The following CHST11 variants were observed in gnomAD, a reference collection of about 807,000 sequenced individuals.
CHST11 encodes C4S-1.
A neutral mutation model predicts 30.4 loss-of-function variants in CHST11; 9 were observed. That is an observed-to-expected ratio of 0.30 (90% CI 0.18 to 0.52). The LOEUF (loss-of-function observed/expected upper bound fraction) is 0.52. CHST11 is among the 20% of genes least tolerant of loss of function. CHST11 has a pLI of 0.97. For missense variants in CHST11, 348 were observed against 460.6 expected (o/e 0.76, Z 2.24); for synonymous variants, 152 against 187.8 (o/e 0.81, Z 1.56).
At chr12:104,719,502 G>A (rs1260896258) in intron 2 of CHST11, among the ~76,000 whole-genome samples, 9 of 152,204 alleles carry the variant, frequency 5.9e-5, no homozygotes, top group African/African-American at 1.4e-4. Flanking sequence ...GCTGCAGTCC[G>A]ACAGAAACAT....
intron 1 of CHST11, among the ~76,000 whole-genome samples, chr12:104,500,497 G>T (rs61939972): frequency 1.0e-3 from 155 of 152,298 alleles, no homozygotes; most frequent in Non-Finnish European, 1.8e-3. Context: ...TCTACCCTTT[G>T]ATGTTTTACC....
intron 2 of CHST11, among the ~76,000 whole-genome samples, chr12:104,725,380 T>A (rs2040208995): frequency 6.6e-6 from 1 of 152,142 alleles, no homozygotes; most frequent in Non-Finnish European, 1.5e-5. Context: ...CCCAGCCTGG[T>A]CGTATGGGTT....
chr12:104,584,595 T>A (rs1650142), intron 1 of CHST11, among the ~76,000 whole-genome samples: 81,804 of 152,024 alleles, frequency 0.54, 22,761 homozygotes, highest in East Asian at 0.85. Context: ...TATGTGTATG[T>A]GTGTTTACAC....
At chr12:104,737,732 A>G (rs1262440228) in intron 2 of CHST11, among the ~76,000 whole-genome samples, 4 of 152,234 alleles carry the variant, frequency 2.6e-5, no homozygotes, top group Non-Finnish European at 5.9e-5. Context: ...TTCAAAAGAA[A>G]AGAACATTTC....
intron 1 of CHST11, among the ~76,000 whole-genome samples, chr12:104,457,898 G>C (rs1226123095): frequency 6.6e-6 from 1 of 151,886 alleles, no homozygotes; most frequent in African/African-American, 2.4e-5. Context: ...TGAGGGGCTG[G>C]TTTGAGGAGA....
chr12:104,485,664 TC>T (rs2037670121), intron 1 of CHST11, among the ~76,000 whole-genome samples: 1 of 152,244 alleles, frequency 6.6e-6, no homozygotes, highest in African/African-American at 2.4e-5. Flanking sequence ...TTCTCTATGT[TC>T]CCTGACATTG....
At chr12:104,575,171 T>TTG (rs1246450902) in intron 1 of CHST11, among the ~76,000 whole-genome samples, 2 of 151,638 alleles carry the variant, frequency 1.3e-5, no homozygotes, top group East Asian at 3.9e-4. Flanking sequence ...CCAGCCTGAG[T>TTG]TACAGAGTGA....
Position 104,673,191 on chromosome 12 carries a change from G to C in CHST11, c.204+71200G>C, listed in dbSNP as rs75793505. On this transcript the variant is annotated intron_variant, in intron 2 of 2. Transcript: ENST00000303694. The stretch of plus-strand genomic sequence containing the variant: ...ATTTAGGGCCTACCCACACACTCCA[G>C]GATAATCTCAAGATCCTTAGCTTAA... Among the ~76,000 whole-genome samples, 1,098 of 152,176 alleles carry C rather than the reference G, an allele frequency of 7.2e-3. 11 individuals carry two copies. The highest frequency in any genetic ancestry group is 0.014 in the Middle Eastern group (4 of 294).
intron 2 of CHST11, among the ~76,000 whole-genome samples, chr12:104,661,106 C>A (rs1384136640): frequency 6.6e-6 from 1 of 152,220 alleles, no homozygotes; most frequent in Non-Finnish European, 1.5e-5. Flanking sequence ...CCTGACATAG[C>A]TTCGCCTGAG....
At chr12:104,679,371 G>A (rs1034634608) in intron 2 of CHST11, among the ~76,000 whole-genome samples, 6 of 152,090 alleles carry the variant, frequency 3.9e-5, no homozygotes, top group African/African-American at 9.7e-5. Context: ...CTGTAAACCC[G>A]TTGGGAGGGT....
intron 1 of CHST11, among the ~76,000 whole-genome samples, chr12:104,548,955 C>A (rs891180778): frequency 1.3e-5 from 2 of 152,238 alleles, no homozygotes; most frequent in Admixed American, 6.5e-5. Context: ...TCACTGCCTT[C>A]TTTCATTTCT....
chr12:104,708,039 C>T (rs867547899), intron 2 of CHST11, among the ~76,000 whole-genome samples: 1 of 152,344 alleles, frequency 6.6e-6, no homozygotes, highest in South Asian at 2.1e-4. Flanking sequence ...CATGTCCATA[C>T]ACAATCATCC....
At chr12:104,701,100 C>T (rs1262989604) in intron 2 of CHST11, among the ~76,000 whole-genome samples, 1 of 152,120 alleles carries the variant, frequency 6.6e-6, no homozygotes. Context: ...ATAGTCCAGT[C>T]CCATGACACA....
intron 2 of CHST11, among the ~76,000 whole-genome samples, chr12:104,623,033 A>T (rs892414156): frequency 1.3e-5 from 2 of 152,198 alleles, no homozygotes; most frequent in Non-Finnish European, 2.9e-5. Flanking sequence ...CGTTTTCTGT[A>T]AAGGGCCAGA....
intron 1 of CHST11, among the ~76,000 whole-genome samples, chr12:104,601,070 A>C (rs1592787678): frequency 3.4e-4 from 41 of 119,920 alleles, no homozygotes; most frequent in African/African-American, 5.2e-4. Context: ...CTTCCCTCCT[A>C]CCTTCCTTTT....
intron 2 of CHST11, among the ~76,000 whole-genome samples, chr12:104,608,726 C>G (rs943513036): frequency 2.0e-5 from 3 of 152,188 alleles, no homozygotes; most frequent in Non-Finnish European, 4.4e-5. Context: ...GTTGTTCACT[C>G]TACGTAGTTT....
chr12:104,672,597 G>C (rs1037566314), intron 2 of CHST11, among the ~76,000 whole-genome samples: 3 of 152,220 alleles, frequency 2.0e-5, no homozygotes, highest in African/African-American at 7.2e-5. Flanking sequence ...AGGATGGTTG[G>C]CTTCACCACC....
intron 2 of CHST11, among the ~76,000 whole-genome samples, chr12:104,648,330 T>A (rs987252983): frequency 1.6e-4 from 25 of 152,194 alleles, no homozygotes; most frequent in African/African-American, 5.3e-4. Context: ...AGTTTCAAAG[T>A]TACAACTTAG....
chr12:104,631,915 T>C (rs931346137), intron 2 of CHST11, among the ~76,000 whole-genome samples: 2 of 152,168 alleles, frequency 1.3e-5, no homozygotes, highest in Non-Finnish European at 2.9e-5. Flanking sequence ...TTCAGTCCCT[T>C]GCATGTGAAC....
Sources: allele counts gnomAD v4.1 joint callset (sites outside exome capture counted in the v4.1 genomes callset), GRCh38; gene constraint gnomAD v4.1.1; transcripts MANE v1.5; gene names NCBI Gene and HGNC (gene_info 2026-07-23, HGNC 2026-07-21).